ANO3: variants seen among roughly 807,000 people sequenced by gnomAD.
ANO3 encodes anoctamin-3.
In ANO3, 99 loss-of-function variants were observed where a neutral mutation model predicts 144.8. The observed-to-expected ratio is 0.68, with a 90% CI of 0.58 to 0.81. The LOEUF (loss-of-function observed/expected upper bound fraction) is 0.81. Among genes scored for constraint, ANO3 ranks in the 30% least tolerant of loss-of-function variants. ANO3 has a pLI of 0.00. For synonymous variants in ANO3, 414 were observed against 392.6 expected (o/e 1.05, Z -0.64); for missense variants, 905 against 1,202.2 (o/e 0.75, Z 3.66).
chr11:26,481,330 G>T (rs1249193391), intron 4 of ANO3, among the ~76,000 whole-genome samples: 1 of 152,058 alleles, frequency 6.6e-6, no homozygotes, highest in Non-Finnish European at 1.5e-5. Flanking sequence ...GAGAGCAAGA[G>T]AGGAGAGAGA....
chr11:26,332,139 A>C lies in ANO3; in HGVS notation c.-137A>C. 1 of 1,534,298 alleles carries C rather than the reference A, an allele frequency of 6.5e-7. No homozygotes were observed. Among genetic ancestry groups the C allele is most frequent in the Non-Finnish European group, 8.8e-7 (1 of 1,142,336 alleles). The stretch of plus-strand genomic sequence containing the variant: ...GGCGGGCGCGTAGCCTGGAGAGCGA[A>C]GTGCCGGCTACAGCAGGTGTCGGAT... On this transcript the variant is annotated 5_prime_UTR_variant, in exon 1 of 27. Transcript: ENST00000256737.
intron 4 of ANO3, among the ~76,000 whole-genome samples, chr11:26,465,672 T>G (rs1172755224): frequency 6.6e-6 from 1 of 151,844 alleles, no homozygotes. Context: ...TATATTGAAT[T>G]TATGAGGAAG....
intron 17 of ANO3, among the ~76,000 whole-genome samples, chr11:26,614,214 G>A (rs1852183483): frequency 6.6e-6 from 1 of 152,236 alleles, no homozygotes; most frequent in Non-Finnish European, 1.5e-5. Context: ...GTCAGGCTAG[G>A]TATAAGCACT....
chr11:26,532,959 A>G (rs1849411126), intron 8 of ANO3, among the ~76,000 whole-genome samples: 1 of 152,232 alleles, frequency 6.6e-6, no homozygotes, highest in Non-Finnish European at 1.5e-5. Context: ...TGATCTGCTT[A>G]AAAATTACTT....
At chr11:26,208,345 AC>A (rs1408538294) in intron 1 of ANO3, 1 of 152,060 alleles carries the variant, frequency 6.6e-6, no homozygotes, top group African/African-American at 2.4e-5. Flanking sequence ...CCCCATCTCT[AC>A]CAAAAAATAC....
At chr11:26,206,687 T>C (rs1851799825) in intron 1 of ANO3, among the ~76,000 whole-genome samples, 1 of 152,156 alleles carries the variant, frequency 6.6e-6, no homozygotes, top group African/African-American at 2.4e-5. Flanking sequence ...AGTTAATAAG[T>C]TATTTATTCT....
At chr11:26,635,544 A>G (rs1358053021) in intron 20 of ANO3, among the ~76,000 whole-genome samples, 5 of 152,154 alleles carry the variant, frequency 3.3e-5, no homozygotes, top group African/African-American at 1.2e-4. Context: ...GTTGGGTTAC[A>G]GGATAAGCAT....
At chr11:26,339,130 C>A (rs528592573) in intron 1 of ANO3, among the ~76,000 whole-genome samples, 1 of 151,882 alleles carries the variant, frequency 6.6e-6, no homozygotes, top group East Asian at 1.9e-4. Flanking sequence ...TTGAACGCAG[C>A]CCTCCCTGAC....
At chr11:26,288,914 A>T (rs1258848828) in intron 1 of ANO3, among the ~76,000 whole-genome samples, 1 of 152,154 alleles carries the variant, frequency 6.6e-6, no homozygotes, top group East Asian at 1.9e-4. Flanking sequence ...AATTTATTAC[A>T]ACTTAGCACA....
chr11:26,375,447 A>C (rs987849491), intron 1 of ANO3, among the ~76,000 whole-genome samples: 1 of 152,180 alleles, frequency 6.6e-6, no homozygotes. Context: ...CCAGAAATTT[A>C]TTCATCTACA....
chr11:26,201,254 T>C (rs1851686816), intron 1 of ANO3, among the ~76,000 whole-genome samples: 1 of 152,152 alleles, frequency 6.6e-6, no homozygotes, highest in African/African-American at 2.4e-5. Flanking sequence ...AAATACGTTT[T>C]CTGATTTTCA....
intron 1 of ANO3, among the ~76,000 whole-genome samples, chr11:26,340,344 A>G (rs1161900708): frequency 1.3e-5 from 2 of 152,210 alleles, no homozygotes; most frequent in Non-Finnish European, 2.9e-5. Flanking sequence ...TGTATGCACA[A>G]GAGCTGGCTT....
intron 1 of ANO3, among the ~76,000 whole-genome samples, chr11:26,245,359 C>A (rs989778352): frequency 2.0e-5 from 3 of 152,152 alleles, no homozygotes; most frequent in Non-Finnish European, 4.4e-5. Context: ...TCTTCCACAA[C>A]AAAATTTTAA....
intron 26 of ANO3, among the ~76,000 whole-genome samples, chr11:26,659,134 G>A (rs1288626118): frequency 6.7e-6 from 1 of 150,198 alleles, no homozygotes; most frequent in Admixed American, 6.7e-5. Context: ...ACATGTATAT[G>A]TATATTGTGT....
intron 1 of ANO3, among the ~76,000 whole-genome samples, chr11:26,439,980 G>A (rs866571456): frequency 1.5e-4 from 23 of 152,040 alleles, no homozygotes; most frequent in Admixed American, 2.6e-4. Flanking sequence ...ATAAATAAAG[G>A]CACCAACCAC....
intron 3 of ANO3, among the ~76,000 whole-genome samples, chr11:26,461,415 T>C (rs1859390608): frequency 6.6e-6 from 1 of 152,080 alleles, no homozygotes; most frequent in South Asian, 2.1e-4. Context: ...TACTATGTTC[T>C]TTACTAAAAT....
At chr11:26,537,276 T>G in intron 9 of ANO3, 130 bp from the exon 10 acceptor site, 1 of 708,844 alleles carries the variant, frequency 1.4e-6, no homozygotes, top group South Asian at 1.6e-5. Context: ...ATAGGTGATG[T>G]GGCTATGGAA....
chr11:26,362,953 CA>C (rs760894821), intron 1 of ANO3, among the ~76,000 whole-genome samples: 10 of 151,954 alleles, frequency 6.6e-5, no homozygotes, highest in Non-Finnish European at 1.2e-4. Flanking sequence ...TGGTGAAATC[CA>C]AATATACATG....
intron 1 of ANO3, among the ~76,000 whole-genome samples, chr11:26,355,459 C>T (rs1190388379): frequency 6.6e-6 from 1 of 151,772 alleles, no homozygotes; most frequent in Non-Finnish European, 1.5e-5. Flanking sequence ...TTTCATTTCA[C>T]TTTCTTTTGT....
Sources: allele counts gnomAD v4.1 joint callset (sites outside exome capture counted in the v4.1 genomes callset), GRCh38; gene constraint gnomAD v4.1.1; transcripts MANE v1.5; gene names NCBI Gene and HGNC (gene_info 2026-07-23, HGNC 2026-07-21).